DOCK4: variants seen among roughly 807,000 people sequenced by gnomAD.
DOCK4 encodes dedicator of cytokinesis protein 4.
In DOCK4, 97 loss-of-function variants were observed where a neutral mutation model predicts 268.1. The observed-to-expected ratio is 0.36, with a 90% CI of 0.31 to 0.43. The LOEUF (loss-of-function observed/expected upper bound fraction) is 0.43. DOCK4 is among the 20% of genes least tolerant of loss of function. The pLI is 1.00. For missense variants in DOCK4, 2,145 were observed against 2,455.7 expected, an observed-to-expected ratio of 0.87 and a Z score of 2.67; for synonymous variants, 954 against 887.2, an observed-to-expected ratio of 1.08 and a Z score of -1.34.
chr7:111,784,241 AT>A, intron 32 of DOCK4, 118 bp from the exon 33 acceptor site: 2 of 1,189,088 alleles, frequency 1.7e-6, no homozygotes, highest in South Asian at 1.3e-5. Flanking sequence ...GCTCAAAGAC[AT>A]TTTTTCCTAG....
chr7:111,921,523 T>A lies in DOCK4; in HGVS notation c.1067-5619A>T, dbSNP rs138920830. On this transcript the variant is annotated intron_variant, in intron 12 of 52. Coordinates refer to ENST00000428084, the MANE Select transcript of DOCK4 (RefSeq NM_001363540.2). ...TGCCACTAATAAACCACATAACATGTAGCTACGAATGCACAGCGATGCAAA... is the reference window on the plus strand; with the variant it reads ...TGCCACTAATAAACCACATAACATGAAGCTACGAATGCACAGCGATGCAAA... Among the ~76,000 whole-genome samples, 1,343 of 152,316 alleles carry A rather than the reference T, an allele frequency of 8.8e-3. 24 individuals are homozygous for A. The highest frequency in any genetic ancestry group is 0.031 in the African/African-American group (1,276 of 41,574).
intron 1 of DOCK4, among the ~76,000 whole-genome samples, chr7:112,119,419 C>G (rs1189989001): frequency 1.3e-5 from 2 of 152,156 alleles, no homozygotes; most frequent in African/African-American, 4.8e-5. Flanking sequence ...TCTGGCCCGC[C>G]AAAGTTAAAA....
intron 3 of DOCK4, 76 bp downstream of exon 3, chr7:112,000,418 T>C (rs866976094): frequency 7.1e-6 from 7 of 982,912 alleles, no homozygotes; most frequent in African/African-American, 3.3e-5. Context: ...GTAATTTCAA[T>C]TGTATAAAGA....
intron 10 of DOCK4, among the ~76,000 whole-genome samples, chr7:111,944,565 A>C (rs1427300535): frequency 6.6e-6 from 1 of 152,216 alleles, no homozygotes; most frequent in Non-Finnish European, 1.5e-5. Context: ...GAACAAAATG[A>C]AACACAACAA....
At chr7:112,084,141 G>A (rs1368266877) in intron 1 of DOCK4, among the ~76,000 whole-genome samples, 1 of 152,174 alleles carries the variant, frequency 6.6e-6, no homozygotes, top group African/African-American at 2.4e-5. Flanking sequence ...ATGAAGTAGA[G>A]TCATGCCGTC....
chr7:111,783,433 T>C (rs983108472), intron 34 of DOCK4, among the ~76,000 whole-genome samples: 1 of 152,160 alleles, frequency 6.6e-6, no homozygotes, highest in African/African-American at 2.4e-5. Context: ...GTGAGTTTCA[T>C]CTCACCCACG....
chr7:111,929,182 A>T (rs1471356956), intron 12 of DOCK4, among the ~76,000 whole-genome samples: 1 of 152,188 alleles, frequency 6.6e-6, no homozygotes, highest in Non-Finnish European at 1.5e-5. Context: ...GTACATATAT[A>T]CACACACAAA....
chr7:111,796,908 C>T (rs932316788), intron 30 of DOCK4, among the ~76,000 whole-genome samples: 2 of 152,146 alleles, frequency 1.3e-5, no homozygotes, highest in South Asian at 2.1e-4. Flanking sequence ...ATGCCTTCAA[C>T]CATGGGCAGC....
intron 1 of DOCK4, among the ~76,000 whole-genome samples, chr7:112,042,395 T>A (rs1226542390): frequency 1.3e-5 from 2 of 152,244 alleles, no homozygotes; most frequent in East Asian, 3.9e-4. Context: ...ATTCTGAGTG[T>A]CTTGCAGACA....
intron 1 of DOCK4, among the ~76,000 whole-genome samples, chr7:112,189,439 A>T (rs1819733783): frequency 6.6e-6 from 1 of 152,328 alleles, no homozygotes; most frequent in Middle Eastern, 3.4e-3. Context: ...TGGTGGCCAG[A>T]GGATATGACA....
At chr7:111,896,202 T>C (rs537340908) in intron 15 of DOCK4, among the ~76,000 whole-genome samples, 3 of 152,144 alleles carry the variant, frequency 2.0e-5, no homozygotes, top group African/African-American at 2.4e-5. Flanking sequence ...TCTTTCCCTA[T>C]ATCCACACAC....
At chr7:111,818,031 T>G (rs1801687641) in intron 27 of DOCK4, among the ~76,000 whole-genome samples, 1 of 152,226 alleles carries the variant, frequency 6.6e-6, no homozygotes, top group African/African-American at 2.4e-5. Context: ...TGCTTCCTTC[T>G]TGAAATGCTT....
chr7:111,902,663 T>G (rs1272097347), intron 13 of DOCK4, among the ~76,000 whole-genome samples: 1 of 151,584 alleles, frequency 6.6e-6, no homozygotes, highest in Non-Finnish European at 1.5e-5. Context: ...AACTAGAAAG[T>G]TTTTAAAGGT....
intron 1 of DOCK4, among the ~76,000 whole-genome samples, chr7:112,074,541 A>AT (rs1182171790): frequency 6.6e-6 from 1 of 151,872 alleles, no homozygotes; most frequent in African/African-American, 2.4e-5. Context: ...TGCCATGGGG[A>AT]TACTAGTGGG....
At chr7:111,796,279 G>A (rs369358917) in intron 30 of DOCK4, among the ~76,000 whole-genome samples, 7 of 152,276 alleles carry the variant, frequency 4.6e-5, no homozygotes, top group East Asian at 3.9e-4. Flanking sequence ...CCTCAGACCT[G>A]TGCCCATCTG....
intron 6 of DOCK4, among the ~76,000 whole-genome samples, chr7:111,987,325 A>C (rs909886088): frequency 1.3e-5 from 2 of 152,070 alleles, no homozygotes. Context: ...CTTTCATAAA[A>C]CTGAAGAAGT....
intron 1 of DOCK4, among the ~76,000 whole-genome samples, chr7:112,059,731 A>AG (rs1289048847): frequency 2.0e-5 from 3 of 152,264 alleles, no homozygotes; most frequent in Middle Eastern, 3.4e-3. Context: ...ATGTCAAAAG[A>AG]GGGGGGAAAA....
chr7:112,149,521 AAGG>A (rs1385363339), intron 1 of DOCK4, among the ~76,000 whole-genome samples: 3 of 151,758 alleles, frequency 2.0e-5, no homozygotes, highest in African/African-American at 7.3e-5. Context: ...TTAAAAAAAA[AAGG>A]AGGAGCAGAC....
At chr7:111,850,930 C>T (rs1406978266) in intron 23 of DOCK4, among the ~76,000 whole-genome samples, 1 of 152,204 alleles carries the variant, frequency 6.6e-6, no homozygotes, top group South Asian at 2.1e-4. Context: ...GCGTGTAACA[C>T]TTACCATCCT....
Sources: allele counts gnomAD v4.1 joint callset (sites outside exome capture counted in the v4.1 genomes callset), GRCh38; gene constraint gnomAD v4.1.1; transcripts MANE v1.5; gene names NCBI Gene and HGNC (gene_info 2026-07-23, HGNC 2026-07-21).